The following POLR1B variants were observed in gnomAD, a reference collection of about 807,000 sequenced individuals.
POLR1B encodes the protein RNA polymerase I subunit B.
Under a neutral mutation model 105.8 loss-of-function variants are expected in POLR1B, and 30 were observed. That is an observed-to-expected ratio of 0.28 (90% CI 0.21 to 0.38). The LOEUF is 0.38. Ranked by LOEUF, POLR1B falls within the 10% of genes least tolerant of loss-of-function variation. The pLI is 1.00. For missense variants in POLR1B, 976 were observed against 1,435.8 expected (o/e 0.68, Z 5.17); for synonymous variants, 485 against 505.1 (o/e 0.96, Z 0.53).
At chr2:112,560,822 C>T (rs1162843606) in intron 9 of POLR1B, among the ~76,000 whole-genome samples, 4 of 152,118 alleles carry the variant, frequency 2.6e-5, no homozygotes, top group East Asian at 3.9e-4. Flanking sequence ...TTTGGGAAGC[C>T]GAGGTGTGCA....
At chr2:112,551,708 T>C (rs1683374573) in intron 5 of POLR1B, 67 bp from the exon 6 acceptor site, 11 of 1,283,812 alleles carry the variant, frequency 8.6e-6, no homozygotes, top group Non-Finnish European at 1.2e-5. Flanking sequence ...GAGAAGATAA[T>C]TATTAGTGAA....
rs1487747803 is a variant in POLR1B at position 112,542,485 on chromosome 2, A to G, written c.-10A>G. On this transcript the variant is annotated 5_prime_UTR_variant, in exon 1 of 15. Transcript: ENST00000263331. ...ACCGAGAGACTGGCGTCCGGTGTGC[A>G]GGTGGCCACATGGATCCTGGCAGCC... 1.9e-6 allele frequency: 3 copies of G among 1,613,410 alleles called. No individual in the cohort carries two copies. Among genetic ancestry groups the G allele is most frequent in the Non-Finnish European group, 1.7e-6 (2 of 1,179,958 alleles).
intron 9 of POLR1B, among the ~76,000 whole-genome samples, chr2:112,562,719 CTTTTTTTTCTTTT>C (rs1684054877): frequency 7.6e-6 from 1 of 131,776 alleles, no homozygotes; most frequent in African/African-American, 3.1e-5. Flanking sequence ...GTGACAATTT[CTTTTTTTTCTTTT>C]TTTTTTTTTT....
Position 112,568,733 on chromosome 2 carries a change from T to C in POLR1B, c.1918-13T>C. 1 of 1,613,352 alleles carries C rather than the reference T, an allele frequency of 6.2e-7. No individual in the cohort carries two copies. Reference sequence around the variant, plus strand: ...TTGCAGTTATTTTGTGCCTTGGACATCTGCTCTTCCAGATCTTCATGAATG... The same window carrying C: ...TTGCAGTTATTTTGTGCCTTGGACACCTGCTCTTCCAGATCTTCATGAATG... On this transcript the variant is annotated splice_polypyrimidine_tract_variant and intron_variant, in intron 11 of 14. Transcript: ENST00000263331.
At chr2:112,572,958 AT>A (rs1432612337) in intron 13 of POLR1B, among the ~76,000 whole-genome samples, 200 bp downstream of exon 13, 6 of 152,198 alleles carry the variant, frequency 3.9e-5, no homozygotes, top group African/African-American at 9.6e-5. Context: ...AGATACACGT[AT>A]GTCTTGCATA....
chr2:112,549,250 A>C lies in POLR1B; in HGVS notation c.493-17A>C, dbSNP rs62158585. 2.8e-5 allele frequency: 45 copies of C among 1,611,654 alleles called. No individual in the cohort carries two copies. Among genetic ancestry groups the C allele is most frequent in the Non-Finnish European group, 3.8e-5 (45 of 1,178,772 alleles). ...ATGTATCTTTGTTTAACAAGTTGCAATTCATCTTTTTGGCAGGAAATGGGG... is the reference window on the plus strand; with the variant it reads ...ATGTATCTTTGTTTAACAAGTTGCACTTCATCTTTTTGGCAGGAAATGGGG... On this transcript the variant is annotated splice_polypyrimidine_tract_variant and intron_variant, in intron 3 of 14. Coordinates refer to ENST00000263331, the MANE Select transcript of POLR1B (RefSeq NM_019014.6).
At chr2:112,569,024 G>T (rs1684452642) in intron 12 of POLR1B, 122 bp downstream of exon 12, 3 of 1,133,844 alleles carry the variant, frequency 2.6e-6, no homozygotes, top group Non-Finnish European at 3.6e-6. Flanking sequence ...TTTATGGCAA[G>T]TTTTTCTTTT....
intron 12 of POLR1B, 54 bp from the exon 13 acceptor site, chr2:112,572,508 C>T (rs1684645783): frequency 1.5e-6 from 2 of 1,348,592 alleles, no homozygotes; most frequent in Non-Finnish European, 1.0e-6. Context: ...CGTATCACAC[C>T]TATAATCAAG....
In POLR1B at chr2:112,574,932, A is replaced by C; in HGVS notation, c.2611A>C (p.Met871Leu). Reference sequence around the variant, plus strand: ...AAAATTCAAGTGTGTTTGCATCACTATGAGAGTGCCTCGGAACCCAACTAT... The same window carrying C: ...AAAATTCAAGTGTGTTTGCATCACTCTGAGAGTGCCTCGGAACCCAACTAT... ...SGKFKCVCIT[M>L]RVPRNPTIGD... Residue 871 changes from methionine to leucine, a missense_variant, in exon 15 of 15, where the codon ATG becomes CTG. Met to Leu is a conservative substitution (Grantham distance 15, BLOSUM62 2). This residue lies in a region of POLR1B where 119 missense variants were observed against 149.7 expected (regional missense o/e 0.79). Coordinates refer to ENST00000263331, the MANE Select transcript of POLR1B (RefSeq NM_019014.6). 6.2e-7 allele frequency: 1 copy of C among 1,614,168 alleles called. No homozygotes were observed. Among genetic ancestry groups the C allele is most frequent in the Non-Finnish European group, 8.5e-7 (1 of 1,180,030 alleles).
chr2:112,562,157 G>A lies in POLR1B; in HGVS notation c.1613-2209G>A, dbSNP rs146233853. 3.3e-3 allele frequency among the ~76,000 whole-genome samples: 500 copies of A among 152,226 alleles called. 8 individuals are homozygous for A. The highest frequency in any genetic ancestry group is 8.7e-3 in the East Asian group (45 of 5,190). ...GAGCATCTGCATCGGGGGACTCAAA[G>A]TTTTTTGCTGCATGTTCTGAAATGA... On this transcript the variant is annotated intron_variant, in intron 9 of 14. Transcript: ENST00000263331.
At chr2:112,542,060 G>A (rs1157308101), upstream of POLR1B, 4 of 1,513,296 alleles carry the variant, frequency 2.6e-6, no homozygotes, top group Non-Finnish European at 8.9e-7. Context: ...GACTCCCCAG[G>A]GTCGGCATCA....
Position 112,576,236 on chromosome 2 carries a change from T to C in POLR1B, c.*507T>C, listed in dbSNP as rs1391610225. ...GAATACAATTTGATGGGTCTGACTA[T>C]ATGCACACACCTTTGATACCATCAC... On this transcript the variant is annotated 3_prime_UTR_variant, in exon 15 of 15. Coordinates refer to ENST00000263331, the MANE Select transcript of POLR1B (RefSeq NM_019014.6). The C allele has an allele frequency of 6.5e-6, 1 of 154,496 alleles. No homozygotes were observed. The highest frequency in any genetic ancestry group is 1.4e-5 in the Non-Finnish European group (1 of 69,468). 9.6% of individuals were successfully genotyped at this position (154,496 alleles called of 1,614,324 possible).
chr2:112,568,046 G>C lies in POLR1B; in HGVS notation c.1826G>C (p.Gly609Ala). The change falls in exon 11 of 15, where the codon GGA becomes GCA. Residue 609 changes from glycine to alanine, a missense_variant. Gly to Ala is a moderately conservative substitution (Grantham distance 60). Transcript: ENST00000263331. ...ACAGGAAAACCAAGTCTGTACCCAG[G>C]ATTGTTCCTTTTTACCACTCCTTGT... ...PMTGKPSLYP[G>A]LFLFTTPCRL... 1 of 1,614,118 alleles carries C rather than the reference G, an allele frequency of 6.2e-7. No homozygotes were observed. Among genetic ancestry groups the C allele is most frequent in the Non-Finnish European group, 8.5e-7 (1 of 1,179,966 alleles).
chr2:112,559,641 T>C (rs1316182134), intron 9 of POLR1B, 67 bp downstream of exon 9: 1 of 1,552,386 alleles, frequency 6.4e-7, no homozygotes, highest in Non-Finnish European at 8.8e-7. Flanking sequence ...TTTTTGTTTG[T>C]TTGTTTTGAG....
chr2:112,552,696 T>G lies in POLR1B; in HGVS notation c.1038T>G (p.Leu346=), dbSNP rs752856691. The G allele has an allele frequency of 5.0e-5, 81 of 1,612,148 alleles. No homozygotes were observed. The highest frequency in any genetic ancestry group is 6.8e-5 in the Non-Finnish European group (80 of 1,179,190). ...LKSNTEKFYM[L]CLMTRKLFAL... ...CCAATACTGAAAAGTTTTATATGCT[T>G]TGTCTCATGACGCGAAAGCTCTTTG... Residue 346 remains leucine, a synonymous_variant, in exon 7 of 15, where the codon CTT becomes CTG. Coordinates refer to ENST00000263331, the MANE Select transcript of POLR1B (RefSeq NM_019014.6).
intron 1 of POLR1B, 166 bp downstream of exon 1, chr2:112,542,837 G>C (rs992709504): frequency 6.6e-5 from 53 of 800,718 alleles, no homozygotes; most frequent in Non-Finnish European, 9.6e-5. Context: ...ACTGGCCTTC[G>C]TGAGACTTGG....
chr2:112,551,134 C>A, intron 5 of POLR1B, 132 bp downstream of exon 5: 2 of 922,908 alleles, frequency 2.2e-6, no homozygotes, highest in Non-Finnish European at 3.3e-6. Flanking sequence ...CAAATTACGT[C>A]AAAATTCAAT....
At chr2:112,562,612 CAG>C (rs1684047618) in intron 9 of POLR1B, among the ~76,000 whole-genome samples, 2 of 152,040 alleles carry the variant, frequency 1.3e-5, no homozygotes, top group African/African-American at 4.8e-5. Context: ...TCTGACCCTT[CAG>C]TAAGTTGTAA....
At position 112,577,834 on chromosome 2, in the gene POLR1B, A is replaced by G. The variant is rs1415456451; in HGVS notation, c.*2105A>G. Among the ~76,000 whole-genome samples the G allele has an allele frequency of 1.7e-5, 1 of 58,936 alleles. No individual in the cohort carries two copies. The highest frequency in any genetic ancestry group is 1.1e-4 in the African/African-American group (1 of 8,758). The allele number at this position is 58,936 out of a possible 152,430, so 38.7% of individuals were successfully genotyped here. On this transcript the variant is annotated 3_prime_UTR_variant, in exon 15 of 15. Coordinates refer to ENST00000263331, the MANE Select transcript of POLR1B (RefSeq NM_019014.6). ...GCGACAGAATGAGACCCTGTCTCAA[A>G]AAAAAAAAAAAAAAAAAAGCGGGGA...
Sources: allele counts gnomAD v4.1 joint callset (sites outside exome capture counted in the v4.1 genomes callset), GRCh38; gene constraint gnomAD v4.1.1; regional missense constraint gnomAD v4.1.1; transcripts MANE v1.5; gene names NCBI Gene and HGNC (gene_info 2026-07-23, HGNC 2026-07-21).